Variants in STX8 observed in about 807,000 individuals in gnomAD.
STX8 encodes the protein syntaxin-8.
In STX8, 23 loss-of-function variants were observed where a neutral mutation model predicts 37.5. That is an observed-to-expected ratio of 0.61 (90% confidence interval 0.44 to 0.87). The LOEUF (loss-of-function observed/expected upper bound fraction) is 0.87. Among genes scored for constraint, STX8 ranks in the 40% least tolerant of loss-of-function variants. STX8 has a pLI of 0.00. For missense variants in STX8, 313 were observed against 284.7 expected (o/e 1.10, Z -0.71); for synonymous variants, 115 against 99.1 (o/e 1.16, Z -0.95).
At chr17:9,324,749 G>C (rs1208732173) in intron 7 of STX8, among the ~76,000 whole-genome samples, 3 of 122,198 alleles carry the variant, frequency 2.5e-5, no homozygotes, top group African/African-American at 9.9e-5. Context: ...TGGGTGACAA[G>C]AGCAAAACTC....
chr17:9,392,155 TA>T (rs1912244985), intron 6 of STX8, among the ~76,000 whole-genome samples: 1 of 152,180 alleles, frequency 6.6e-6, no homozygotes, highest in Non-Finnish European at 1.5e-5. Context: ...CTGTAGGATT[TA>T]AACCAACAGC....
At chr17:9,562,103 TA>T (rs11439031) in intron 2 of STX8, among the ~76,000 whole-genome samples, 8 of 147,890 alleles carry the variant, frequency 5.4e-5, no homozygotes, top group African/African-American at 2.0e-4. Flanking sequence ...CAACTTCATT[TA>T]AAAAAAAAAA....
intron 1 of STX8, 45 bp from the exon 2 acceptor site, chr17:9,568,515 T>C (rs759065494): frequency 1.3e-6 from 2 of 1,534,092 alleles, no homozygotes; most frequent in South Asian, 2.3e-5. Context: ...GGTTCTTTTT[T>C]TTTGAGACGG....
chr17:9,275,162 C>T (rs542993056), intron 7 of STX8, among the ~76,000 whole-genome samples: 124 of 152,262 alleles, frequency 8.1e-4, no homozygotes, highest in Middle Eastern at 3.4e-3. Context: ...CTTCTGATGA[C>T]GCAACCATCC....
chr17:9,521,892 C>T (rs1040645609), intron 4 of STX8, among the ~76,000 whole-genome samples: 12 of 152,184 alleles, frequency 7.9e-5, no homozygotes, highest in African/African-American at 2.7e-4. Context: ...CTATTACAAT[C>T]AAATATTGTT....
intron 4 of STX8, among the ~76,000 whole-genome samples, chr17:9,520,921 G>A (rs772570623): frequency 2.0e-5 from 3 of 152,202 alleles, no homozygotes; most frequent in Non-Finnish European, 4.4e-5. Context: ...ACAGACCACA[G>A]GGAGGTTTGC....
intron 6 of STX8, among the ~76,000 whole-genome samples, chr17:9,458,785 G>A (rs1362879180): frequency 4.0e-5 from 6 of 151,890 alleles, no homozygotes; most frequent in Non-Finnish European, 7.4e-5. Flanking sequence ...TAGGCGTATC[G>A]GCCAGGGTCT....
At chr17:9,357,232 T>C (rs4493100) in intron 7 of STX8, among the ~76,000 whole-genome samples, 15,246 of 150,980 alleles carry the variant, frequency 0.1, 826 homozygotes, top group Middle Eastern at 0.18. Context: ...CCTCCCCAAA[T>C]GTTGGGATTA....
intron 4 of STX8, among the ~76,000 whole-genome samples, chr17:9,542,352 C>A (rs535054793): frequency 2.0e-5 from 3 of 151,024 alleles, no homozygotes; most frequent in Non-Finnish European, 2.9e-5. Context: ...AGCAAAACTC[C>A]GTCTCAAAAA....
intron 6 of STX8, among the ~76,000 whole-genome samples, chr17:9,417,853 C>CT (rs1268760726): frequency 6.6e-6 from 1 of 152,214 alleles, no homozygotes; most frequent in African/African-American, 2.4e-5. Context: ...AAATGCATCC[C>CT]TGTGCCAGAA....
intron 2 of STX8, among the ~76,000 whole-genome samples, chr17:9,566,877 G>T (rs1423834381): frequency 6.6e-6 from 1 of 152,122 alleles, no homozygotes; most frequent in Non-Finnish European, 1.5e-5. Context: ...TCAACCTGAT[G>T]CCCACCAATG....
chr17:9,333,591 G>A lies in STX8; in HGVS notation c.643+44961C>T, dbSNP rs560249615. ...TTTTTAGTAGAGATGGGGTTTCACTGTGTTAGCCAGGATGGTCTGGATCTC... is the reference window on the plus strand; with the variant it reads ...TTTTTAGTAGAGATGGGGTTTCACTATGTTAGCCAGGATGGTCTGGATCTC... On this transcript the variant is annotated intron_variant, in intron 7 of 7. Transcript: ENST00000306357. 1.1e-4 allele frequency among the ~76,000 whole-genome samples: 16 copies of A among 152,232 alleles called. No individual in the cohort carries two copies. The South Asian group carries it at 1.5e-3, about 14-fold the overall frequency.
At chr17:9,331,966 G>A (rs993005584) in intron 7 of STX8, among the ~76,000 whole-genome samples, 8 of 152,162 alleles carry the variant, frequency 5.3e-5, no homozygotes, top group Non-Finnish European at 1.2e-4. Context: ...TGAAACTGTT[G>A]GCACAGCCTA....
chr17:9,272,413 G>A (rs1422239750), intron 7 of STX8, among the ~76,000 whole-genome samples: 1 of 152,220 alleles, frequency 6.6e-6, no homozygotes, highest in African/African-American at 2.4e-5. Flanking sequence ...GGATGCCCAT[G>A]AGCCAGTGTG....
rs143643616 is a variant in STX8, at chr17:9,513,169, T to C, written c.324-8007A>G. On this transcript the variant is annotated intron_variant, in intron 4 of 7. Transcript: ENST00000306357. ...CAAAATATGTAAGGAACTCAAAATATCTCAATGGCAAAAATCATAATAATA... is the reference window on the plus strand; with the variant it reads ...CAAAATATGTAAGGAACTCAAAATACCTCAATGGCAAAAATCATAATAATA... 2.6e-5 allele frequency among the ~76,000 whole-genome samples: 4 copies of C among 151,890 alleles called. No individual in the cohort carries two copies. In the East Asian group the frequency reaches 7.7e-4, roughly 29 times the overall value.
chr17:9,503,877 G>A (rs1904718138), intron 5 of STX8, among the ~76,000 whole-genome samples: 1 of 152,066 alleles, frequency 6.6e-6, no homozygotes, highest in Non-Finnish European at 1.5e-5. Context: ...CGATTCTCCT[G>A]CCTCAGCCTC....
intron 1 of STX8, among the ~76,000 whole-genome samples, chr17:9,569,039 G>A (rs1204289140): frequency 2.6e-5 from 4 of 152,184 alleles, no homozygotes; most frequent in Non-Finnish European, 5.9e-5. Flanking sequence ...GAGAAAAGGA[G>A]GCACAAAGAG....
chr17:9,548,274 T>C (rs1226299606), intron 3 of STX8, among the ~76,000 whole-genome samples: 1 of 151,818 alleles, frequency 6.6e-6, no homozygotes, highest in African/African-American at 2.4e-5. Context: ...CCAGCTAATT[T>C]TTGTGTTTTC....
chr17:9,373,358 C>G (rs529021343), intron 7 of STX8, among the ~76,000 whole-genome samples: 2 of 151,920 alleles, frequency 1.3e-5, no homozygotes, highest in South Asian at 4.1e-4. Flanking sequence ...AAAGGTGGAA[C>G]AACCTGTGTC....
Sources: allele counts gnomAD v4.1 joint callset (sites outside exome capture counted in the v4.1 genomes callset), GRCh38; gene constraint gnomAD v4.1.1; transcripts MANE v1.5; gene names NCBI Gene and HGNC (gene_info 2026-07-23, HGNC 2026-07-21).